The following ARHGAP29 variants were observed in gnomAD, a reference collection of about 807,000 sequenced individuals.
The protein encoded by ARHGAP29 is rho GTPase-activating protein 29.
A neutral mutation model predicts 122.6 loss-of-function variants in ARHGAP29; 43 were observed. That is an observed-to-expected ratio of 0.35 (90% CI 0.27 to 0.45). The LOEUF (loss-of-function observed/expected upper bound fraction) is 0.45, where lower values mean the gene tolerates loss of function less well. Ranked by LOEUF, ARHGAP29 falls within the 20% of genes least tolerant of loss-of-function variation. ARHGAP29 has a pLI of 1.00. For synonymous variants in ARHGAP29, 506 were observed against 497.1 expected, an observed-to-expected ratio of 1.02 and a Z score of -0.24; for missense variants, 1,303 against 1,477.2, an observed-to-expected ratio of 0.88 and a Z score of 1.93.
intron 1 of ARHGAP29, among the ~76,000 whole-genome samples, chr1:94,267,800 A>G (rs7540684): frequency 0.26 from 39,482 of 150,768 alleles, 5,599 homozygotes; most frequent in East Asian, 0.47. Context: ...ATCACTATAT[A>G]AAATAATCCA....
chr1:94,292,413 C>T, the ARHGAP29 span, among the ~76,000 whole-genome samples: 4 of 152,266 alleles, frequency 2.6e-5, no homozygotes, highest in South Asian at 8.3e-4. Context: ...TCCTTTAGCT[C>T]GGAGAAGTTT....
chr1:94,290,854 A>G, the ARHGAP29 span, among the ~76,000 whole-genome samples: 1 of 152,180 alleles, frequency 6.6e-6, no homozygotes, highest in African/African-American at 2.4e-5. Flanking sequence ...TATGTGGTCA[A>G]TTTTAGAATA....
upstream of ARHGAP29, among the ~76,000 whole-genome samples, chr1:94,275,817 A>G (rs566191647): frequency 5.2e-4 from 79 of 152,268 alleles, no homozygotes; most frequent in African/African-American, 1.9e-3. Context: ...CTATTTCTTG[A>G]TTATGCTTTA....
the ARHGAP29 span, chr1:94,302,742 G>C: frequency 2.7e-6 from 1 of 369,964 alleles, no homozygotes; most frequent in Non-Finnish European, 5.3e-6. Flanking sequence ...CAATGTGTCA[G>C]TCATGGACCT....
chr1:94,206,914 AATATTAT>A (rs1323043759), intron 5 of ARHGAP29, among the ~76,000 whole-genome samples: 1 of 149,528 alleles, frequency 6.7e-6, no homozygotes, highest in East Asian at 1.9e-4. Flanking sequence ...ATATATATTT[AATATTAT>A]ATATGTATAA....
At chr1:94,222,068 T>C (rs1408803189) in intron 2 of ARHGAP29, among the ~76,000 whole-genome samples, 1 of 151,396 alleles carries the variant, frequency 6.6e-6, no homozygotes, top group Non-Finnish European at 1.5e-5. Flanking sequence ...AAGTTTCCAA[T>C]GGCCAAAGCT....
chr1:94,205,657 T>C lies in ARHGAP29; in HGVS notation c.537A>G (p.Ser179=). 1 of 1,612,816 alleles carries C rather than the reference T, an allele frequency of 6.2e-7. No homozygotes were observed. Among genetic ancestry groups the C allele is most frequent in the Non-Finnish European group, 8.5e-7 (1 of 1,179,362 alleles). ...TKSFENVSVE[S]VDSSSEKGNF... is the part of the protein sequence containing the mutation. The stretch of plus-strand genomic sequence containing the variant: ...TACCTTTTTCACTGGATGAGTCCAC[T>C]GATTCCACAGAAACATTTTCAAACG... Residue 179 remains serine, a synonymous_variant, in exon 6 of 23, where the codon TCA becomes TCG. Coordinates refer to ENST00000260526, the MANE Select transcript of ARHGAP29 (RefSeq NM_004815.4).
intron 3 of ARHGAP29, among the ~76,000 whole-genome samples, chr1:94,213,723 A>G (rs771022439): frequency 2.6e-4 from 39 of 152,272 alleles, no homozygotes; most frequent in African/African-American, 9.4e-4. Flanking sequence ...TCTCTCTTAC[A>G]ATGTTACATA....
rs758696508 is a variant in ARHGAP29, at chr1:94,220,410, A to G, written c.206-18T>C. ...AAAACAGTCTTTAAAAAGAAAAAAA[A>G]ATAATTTATTTCCAGAGCAAAGTTC... On this transcript the variant is annotated intron_variant, in intron 2 of 22. Transcript: ENST00000260526. 1.9e-6 allele frequency: 3 copies of G among 1,558,160 alleles called. No homozygotes were observed. In the East Asian group the frequency reaches 6.9e-5, roughly 36 times the overall value.
At chr1:94,292,327 A>G in the ARHGAP29 span, among the ~76,000 whole-genome samples, 1 of 152,148 alleles carries the variant, frequency 6.6e-6, no homozygotes, top group Non-Finnish European at 1.5e-5. Context: ...TCTTCTCTGC[A>G]CTGGTTATTC....
intron 10 of ARHGAP29, 71 bp downstream of exon 10, chr1:94,202,847 A>C: frequency 1.3e-6 from 2 of 1,535,328 alleles, no homozygotes; most frequent in Non-Finnish European, 1.8e-6. Context: ...AGAGCAAGGA[A>C]GGTCAGTATA....
Position 94,174,637 on chromosome 1 carries a change from C to T in ARHGAP29, c.3018G>A (p.Val1006=). Residue 1006 remains valine (V), a synonymous_variant, in exon 23 of 23, where the codon GTG becomes GTA. Transcript: ENST00000260526. The stretch of plus-strand genomic sequence containing the variant: ...TCTTGGTCCTTGGAGTATGCCTCTC[C>T]ACATTGTTTGTTGACCTATCAGATT... The part of the protein sequence containing the change: ...SLKSDRSTNN[V]ERHTPRTKIR... 6.2e-7 allele frequency: 1 copy of T among 1,614,066 alleles called. No individual in the cohort carries two copies.
chr1:94,294,302 T>G, the ARHGAP29 span, among the ~76,000 whole-genome samples: 29 of 151,772 alleles, frequency 1.9e-4, no homozygotes, highest in South Asian at 3.3e-3. Context: ...ATTTACAATA[T>G]AAATATATAT....
the ARHGAP29 span, among the ~76,000 whole-genome samples, chr1:94,306,081 C>T: frequency 6.6e-6 from 1 of 152,218 alleles, no homozygotes; most frequent in Admixed American, 6.5e-5. Flanking sequence ...AGTCACATAC[C>T]TTTGGACAAG....
chr1:94,287,968 T>C, the ARHGAP29 span, among the ~76,000 whole-genome samples: 46 of 152,206 alleles, frequency 3.0e-4, no homozygotes, highest in Non-Finnish European at 5.1e-4. Flanking sequence ...AACATGCGTG[T>C]ACATGTGCCT....
chr1:94,231,267 C>CA, intron 2 of ARHGAP29, 140 bp downstream of exon 2: 1 of 668,006 alleles, frequency 1.5e-6, no homozygotes, highest in Non-Finnish European at 2.5e-6. Flanking sequence ...CTGTAACCAT[C>CA]AAAGATTTGG....
chr1:94,278,547 C>T (rs542979745), upstream of ARHGAP29, among the ~76,000 whole-genome samples: 47 of 152,114 alleles, frequency 3.1e-4, no homozygotes, highest in South Asian at 8.7e-3. Context: ...AATTAGTAGC[C>T]GGCAAATCAA....
At chr1:94,306,931 T>C in the ARHGAP29 span, among the ~76,000 whole-genome samples, 1 of 152,214 alleles carries the variant, frequency 6.6e-6, no homozygotes, top group Admixed American at 6.5e-5. Context: ...ATTCAGTGGC[T>C]TTCTTGTCCA....
chr1:94,305,770 A>C, the ARHGAP29 span, among the ~76,000 whole-genome samples: 92 of 152,308 alleles, frequency 6.0e-4, no homozygotes, highest in Non-Finnish European at 1.1e-3. Flanking sequence ...TGAAATGTGA[A>C]TATTCTAATT....
Sources: gnomAD v4.1 joint callset for allele counts (sites outside exome capture counted in the v4.1 genomes callset) on GRCh38, gnomAD v4.1.1 for gene constraint, MANE v1.5 for transcripts, NCBI Gene and HGNC (gene_info 2026-07-23, HGNC 2026-07-21) for gene names.